The following SGCZ variants were observed in gnomAD, a reference collection of about 807,000 sequenced individuals.
SGCZ encodes the protein zeta-sarcoglycan.
Under a neutral mutation model 41.3 loss-of-function variants are expected in SGCZ, and 40 were observed. The ratio of observed to expected loss-of-function variants is 0.97; its 90% confidence interval spans 0.75 to 1.26. The LOEUF (loss-of-function observed/expected upper bound fraction) is 1.26, where lower values mean the gene tolerates loss of function less well. Ranked by LOEUF, SGCZ falls within the 50% of genes most tolerant of loss-of-function variation. SGCZ has a pLI of 0.00. For synonymous variants in SGCZ, 206 were observed against 137.5 expected (o/e 1.50, Z -3.49); for missense variants, 552 against 369.8 (o/e 1.49, Z -4.04).
intron 5 of SGCZ, among the ~76,000 whole-genome samples, chr8:14,148,432 G>C (rs543829967): frequency 8.6e-5 from 13 of 151,994 alleles, no homozygotes; most frequent in African/African-American, 3.1e-4. Flanking sequence ...GGAAAATCTA[G>C]AAGAAATGGA....
intron 1 of SGCZ, 113 bp downstream of exon 1, chr8:15,237,472 T>C (rs1439987243): frequency 7.7e-7 from 1 of 1,305,386 alleles, no homozygotes; most frequent in Non-Finnish European, 1.1e-6. Context: ...CGCCCCCTCG[T>C]CGTCCCGCGG....
At chr8:14,158,316 G>A (rs985764605) in intron 5 of SGCZ, among the ~76,000 whole-genome samples, 1 of 151,996 alleles carries the variant, frequency 6.6e-6, no homozygotes, top group Non-Finnish European at 1.5e-5. Flanking sequence ...TGTAATTTAG[G>A]CTCCTAATAA....
At chr8:14,997,473 A>G (rs1285218857) in intron 1 of SGCZ, among the ~76,000 whole-genome samples, 1 of 152,230 alleles carries the variant, frequency 6.6e-6, no homozygotes, top group East Asian at 1.9e-4. Context: ...TAAACCAAAA[A>G]TGTATTAACA....
At chr8:14,272,850 C>G (rs1179318601) in intron 3 of SGCZ, among the ~76,000 whole-genome samples, 1 of 152,078 alleles carries the variant, frequency 6.6e-6, no homozygotes, top group African/African-American at 2.4e-5. Flanking sequence ...ATATCTTGAA[C>G]TGTAACTGTA....
At chr8:15,000,598 G>C (rs369786141) in intron 1 of SGCZ, among the ~76,000 whole-genome samples, 1 of 152,228 alleles carries the variant, frequency 6.6e-6, no homozygotes, top group East Asian at 1.9e-4. Context: ...CTCCATCTTC[G>C]CTTCTCTTTG....
chr8:14,139,586 T>C (rs1197058808), intron 5 of SGCZ, among the ~76,000 whole-genome samples: 1 of 152,040 alleles, frequency 6.6e-6, no homozygotes. Context: ...CTAGAAAATC[T>C]AGAAGAAAAT....
At chr8:14,521,618 T>A (rs142789413) in intron 2 of SGCZ, among the ~76,000 whole-genome samples, 1 of 152,150 alleles carries the variant, frequency 6.6e-6, no homozygotes, top group Non-Finnish European at 1.5e-5. Flanking sequence ...TCAACATTCA[T>A]GTACAGGTTT....
chr8:14,452,518 C>G (rs1281141036), intron 2 of SGCZ, among the ~76,000 whole-genome samples: 1 of 151,576 alleles, frequency 6.6e-6, no homozygotes, highest in Non-Finnish European at 1.5e-5. Flanking sequence ...AATAATGACT[C>G]TCAGTAAATA....
chr8:15,071,553 T>C (rs904788790), intron 1 of SGCZ, among the ~76,000 whole-genome samples: 1 of 152,182 alleles, frequency 6.6e-6, no homozygotes, highest in Non-Finnish European at 1.5e-5. Context: ...AGAAATATTC[T>C]TTACCCTAGT....
At chr8:15,191,684 C>T (rs557259795) in intron 1 of SGCZ, among the ~76,000 whole-genome samples, 2 of 152,004 alleles carry the variant, frequency 1.3e-5, no homozygotes, top group African/African-American at 2.4e-5. Flanking sequence ...GGAAATTCCT[C>T]ATACGAGCTT....
chr8:14,544,170 A>G (rs768885092), intron 2 of SGCZ, among the ~76,000 whole-genome samples: 18 of 152,118 alleles, frequency 1.2e-4, no homozygotes, highest in Non-Finnish European at 1.9e-4. Context: ...TCATCTTAAT[A>G]TGGACATTTA....
intron 2 of SGCZ, among the ~76,000 whole-genome samples, chr8:14,328,482 A>T (rs967109133): frequency 1.3e-5 from 2 of 152,186 alleles, no homozygotes; most frequent in Non-Finnish European, 2.9e-5. Context: ...GAATGGTAAC[A>T]TAAGTTATGT....
At chr8:14,318,795 A>C (rs1801812036) in intron 3 of SGCZ, among the ~76,000 whole-genome samples, 1 of 152,036 alleles carries the variant, frequency 6.6e-6, no homozygotes, top group Admixed American at 6.6e-5. Context: ...ACTCATCAGG[A>C]ATAATCAAAC....
chr8:14,589,169 A>G (rs1260198826), intron 1 of SGCZ, among the ~76,000 whole-genome samples: 1 of 151,960 alleles, frequency 6.6e-6, no homozygotes, highest in Non-Finnish European at 1.5e-5. Flanking sequence ...ATGTACCCTC[A>G]AACTTAAAAT....
chr8:14,690,012 T>C (rs1808746723), intron 1 of SGCZ, among the ~76,000 whole-genome samples: 1 of 152,068 alleles, frequency 6.6e-6, no homozygotes, highest in Admixed American at 6.6e-5. Flanking sequence ...TAAGCAATGG[T>C]GAATTCTTAC....
intron 1 of SGCZ, among the ~76,000 whole-genome samples, chr8:15,001,728 C>CAAAAAAA (rs1223307583): frequency 3.7e-5 from 3 of 81,038 alleles, no homozygotes; most frequent in African/African-American, 8.5e-5. Context: ...GACTCCGTCT[C>CAAAAAAA]AAAAAAAAAA....
chr8:14,436,920 T>C (rs1005083198), intron 2 of SGCZ, among the ~76,000 whole-genome samples: 1 of 151,738 alleles, frequency 6.6e-6, no homozygotes, highest in African/African-American at 2.4e-5. Flanking sequence ...AATAAAGCTT[T>C]TCCCTTTGAG....
intron 2 of SGCZ, among the ~76,000 whole-genome samples, chr8:14,367,845 T>A (rs1803767919): frequency 6.6e-6 from 1 of 152,034 alleles, no homozygotes; most frequent in South Asian, 2.1e-4. Context: ...CTCCTTAGCA[T>A]GCTTATTATT....
intron 1 of SGCZ, among the ~76,000 whole-genome samples, chr8:14,652,357 T>A (rs201901037): frequency 3.3e-5 from 2 of 59,718 alleles, no homozygotes; most frequent in African/African-American, 1.8e-4. Context: ...GGGGGGGGTG[T>A]GGGGGGGAGA....
Sources: allele counts gnomAD v4.1 joint callset (sites outside exome capture counted in the v4.1 genomes callset), GRCh38; gene constraint gnomAD v4.1.1; transcripts MANE v1.5; gene names NCBI Gene and HGNC (gene_info 2026-07-23, HGNC 2026-07-21).